The following CDH4 variants were observed in gnomAD, a reference collection of about 807,000 sequenced individuals.
CDH4 encodes cadherin-4.
In CDH4, 33 loss-of-function variants were observed where a neutral mutation model predicts 86.0. That is an observed-to-expected ratio of 0.38 (90% CI 0.29 to 0.51). The LOEUF is 0.51. CDH4 is among the 20% of genes least tolerant of loss of function. The probability of loss-of-function intolerance (pLI) is 0.86; values close to 1 mark genes in which losing one functional copy is unlikely to be tolerated. For synonymous variants in CDH4, 555 were observed against 549.4 expected (o/e 1.01, Z -0.14); for missense variants, 1,114 against 1,307.4 (o/e 0.85, Z 2.28).
intron 2 of CDH4, among the ~76,000 whole-genome samples, chr20:61,498,069 A>C (rs1321798540): frequency 3.8e-5 from 2 of 53,278 alleles, no homozygotes; most frequent in African/African-American, 9.0e-5. Context: ...GGGTGGGGGG[A>C]GGGGGGAGGG....
chr20:61,927,545 G>A (rs547181278), intron 11 of CDH4, among the ~76,000 whole-genome samples: 1 of 152,224 alleles, frequency 6.6e-6, no homozygotes, highest in Non-Finnish European at 1.5e-5. Flanking sequence ...GTTCTTCCAC[G>A]CGATCATGCG....
At position 61,808,168 on chromosome 20, in the gene CDH4, G is replaced by A. The variant is rs142043679; in HGVS notation, c.576+34986G>A. ...GGGAAGGCTGCGGGGGCCCAGAACC[G>A]TGGCTCTGGCAGGAACAGAGCTGCA... On this transcript the variant is annotated intron_variant, in intron 4 of 15. Transcript: ENST00000614565. Among the ~76,000 whole-genome samples the A allele has an allele frequency of 2.0e-3, 311 of 151,976 alleles. 5 individuals carry two copies. Among genetic ancestry groups the A allele is most frequent in the Admixed American group, 0.01 (153 of 15,282 alleles).
intron 2 of CDH4, among the ~76,000 whole-genome samples, chr20:61,376,277 T>C (rs1797831617): frequency 6.6e-6 from 1 of 151,948 alleles, no homozygotes; most frequent in African/African-American, 2.4e-5. Flanking sequence ...GAAAGGAGCA[T>C]AGGACCCCTG....
At chr20:61,322,831 AG>A (rs1191912173) in intron 2 of CDH4, among the ~76,000 whole-genome samples, 2 of 152,186 alleles carry the variant, frequency 1.3e-5, no homozygotes, top group African/African-American at 4.8e-5. Context: ...ACTTGTGCAG[AG>A]GCCTTTGATC....
At chr20:61,755,430 CACACACCACACACACACACCCCGT>C (rs2088551921) in intron 3 of CDH4, among the ~76,000 whole-genome samples, 1 of 145,322 alleles carries the variant, frequency 6.9e-6, no homozygotes, top group African/African-American at 2.6e-5. Flanking sequence ...CAGTGCACGT[CACACACCACACACACACACCCCGT>C]ACACACCACA....
chr20:61,478,648 C>T (rs186530789), intron 2 of CDH4, among the ~76,000 whole-genome samples: 496 of 152,318 alleles, frequency 3.3e-3, no homozygotes, highest in Admixed American at 5.4e-3. Flanking sequence ...TGTTGTGGTT[C>T]TACAGGTCTA....
At chr20:61,397,311 G>A (rs1433839917) in intron 2 of CDH4, among the ~76,000 whole-genome samples, 1 of 152,146 alleles carries the variant, frequency 6.6e-6, no homozygotes, top group Non-Finnish European at 1.5e-5. Flanking sequence ...AGGCAGGAAG[G>A]GCAGCTGCAG....
intron 2 of CDH4, among the ~76,000 whole-genome samples, chr20:61,336,109 C>T (rs914250316): frequency 1.4e-4 from 21 of 152,164 alleles, no homozygotes; most frequent in African/African-American, 4.8e-4. Context: ...TTCTCATCAG[C>T]TCTCCCGCCT....
intron 2 of CDH4, among the ~76,000 whole-genome samples, chr20:61,680,241 T>C (rs1182211579): frequency 6.6e-6 from 1 of 152,210 alleles, no homozygotes; most frequent in Non-Finnish European, 1.5e-5. Flanking sequence ...CCTGGCTCTG[T>C]GTCAGGATCC....
chr20:61,936,876 A>G lies in CDH4; in HGVS notation c.2684A>G (p.Tyr895Cys). ...AGTTCCGGGGACCAAGACTACGATT[A>G]CCTCAACGACTGGGGGCCCAGATTC... ...SSSSGDQDYD[Y>C]LNDWGPRFKK... The change falls in exon 16 of 16, where the codon TAC (tyrosine) becomes TGC (cysteine). Residue 895 changes from tyrosine (Y) to cysteine (C), a missense_variant. By Grantham distance (194) the Tyr-to-Cys change is radical. Around this residue, in one of 3 missense-constraint regions of CDH4, gnomAD observed 188 missense variants for 183.8 expected, o/e 1.02. Coordinates refer to ENST00000614565, the MANE Select transcript of CDH4 (RefSeq NM_001794.5). The G allele has an allele frequency of 6.2e-7, 1 of 1,605,614 alleles. No individual in the cohort carries two copies. Among genetic ancestry groups the G allele is most frequent in the Non-Finnish European group, 8.5e-7 (1 of 1,176,292 alleles).
intron 3 of CDH4, among the ~76,000 whole-genome samples, chr20:61,771,411 G>T (rs1261586196): frequency 2.0e-5 from 3 of 151,920 alleles, no homozygotes; most frequent in Non-Finnish European, 4.4e-5. Context: ...ATTACCGGAG[G>T]TCGGGAGTTT....
At chr20:61,778,578 C>T (rs1343751971) in intron 4 of CDH4, among the ~76,000 whole-genome samples, 2 of 152,030 alleles carry the variant, frequency 1.3e-5, no homozygotes, top group Non-Finnish European at 2.9e-5. Context: ...GTATCTGTGG[C>T]AAAGCAGGGA....
chr20:61,908,680 C>T (rs1313544141), intron 8 of CDH4, among the ~76,000 whole-genome samples: 2 of 152,184 alleles, frequency 1.3e-5, no homozygotes, highest in African/African-American at 2.4e-5. Context: ...CGTGGGACAT[C>T]GCCCTGTCCA....
rs2087269408 is a variant in CDH4 at position 61,662,493 on chromosome 20, C to CTCGGA, written c.170-81070_170-81069insTCGGA. On this transcript the variant is annotated intron_variant, in intron 2 of 15. Coordinates refer to ENST00000614565, the MANE Select transcript of CDH4 (RefSeq NM_001794.5). ...TGCCCAAAGGCACAGGGAAGAGAAGCCTGAATGAGACTCGGACTGAAAGGG... is the reference window on the plus strand; with the variant it reads ...TGCCCAAAGGCACAGGGAAGAGAAGCTCGGACTGAATGAGACTCGGACTGAAAGGG... Among the ~76,000 whole-genome samples the CTCGGA allele has an allele frequency of 2.6e-5, 4 of 152,310 alleles. No homozygotes were observed. The South Asian group carries it at 8.3e-4, about 32-fold the overall frequency.
chr20:61,352,274 A>G (rs2084717341), intron 2 of CDH4, among the ~76,000 whole-genome samples: 1 of 152,192 alleles, frequency 6.6e-6, no homozygotes, highest in African/African-American at 2.4e-5. Flanking sequence ...TACTTTTAAA[A>G]TTTAATATAT....
intron 2 of CDH4, among the ~76,000 whole-genome samples, chr20:61,420,496 C>T (rs918520241): frequency 5.9e-5 from 9 of 152,248 alleles, no homozygotes; most frequent in South Asian, 2.1e-4. Context: ...GTGACTTTGT[C>T]GCCACTGAAA....
At position 61,934,233 on chromosome 20, in the gene CDH4, C is replaced by T. The variant is rs200478717; in HGVS notation, c.2544+13C>T. 1.2e-4 allele frequency: 180 copies of T among 1,521,670 alleles called. No individual in the cohort carries two copies. The highest frequency in any genetic ancestry group is 1.1e-4 in the Non-Finnish European group (128 of 1,132,158). 94.3% of individuals were successfully genotyped at this position (1,521,670 alleles called of 1,614,324 possible). A position where few individuals can be genotyped will look rare whatever the true frequency, so the allele number is the denominator to read the frequency against. On this transcript the variant is annotated intron_variant, in intron 15 of 15. Transcript: ENST00000614565. ...CTTCATCAATGAGGTGTGTGCCTCTCGGCAGTGGGGGGCCCGGGCAAGGTG... is the reference window on the plus strand; with the variant it reads ...CTTCATCAATGAGGTGTGTGCCTCTTGGCAGTGGGGGGCCCGGGCAAGGTG...
intron 2 of CDH4, among the ~76,000 whole-genome samples, chr20:61,285,270 G>A (rs910682342): frequency 2.0e-5 from 3 of 152,196 alleles, no homozygotes; most frequent in Admixed American, 6.5e-5. Context: ...ACGAAGCCAC[G>A]AAGCAGCAGA....
intron 2 of CDH4, among the ~76,000 whole-genome samples, chr20:61,511,037 G>T (rs1199841125): frequency 1.3e-5 from 2 of 152,114 alleles, no homozygotes; most frequent in African/African-American, 4.8e-5. Flanking sequence ...ATCACCAAGG[G>T]GGATGGCCCA....
Sources: allele counts gnomAD v4.1 joint callset (sites outside exome capture counted in the v4.1 genomes callset), GRCh38; gene constraint gnomAD v4.1.1; regional missense constraint gnomAD v4.1.1; transcripts MANE v1.5; gene names NCBI Gene and HGNC (gene_info 2026-07-23, HGNC 2026-07-21).